RPAP1: variants seen among roughly 807,000 people sequenced by gnomAD.
The protein encoded by RPAP1 is RNA polymerase II-associated protein 1.
Under a neutral mutation model 142.4 loss-of-function variants are expected in RPAP1, and 109 were observed. That is an observed-to-expected ratio of 0.77 (90% CI 0.66 to 0.90). The LOEUF is 0.90. RPAP1 is among the 40% of genes least tolerant of loss of function. RPAP1 has a pLI of 0.00. For missense variants in RPAP1, 1,546 were observed against 1,751.7 expected (o/e 0.88, Z 2.10); for synonymous variants, 704 against 738.9 (o/e 0.95, Z 0.77).
chr15:41,521,961 A>G, intron 20 of RPAP1, 81 bp from the exon 21 acceptor site: 1 of 1,571,230 alleles, frequency 6.4e-7, no homozygotes, highest in South Asian at 1.2e-5. Flanking sequence ...GATAAAAGTG[A>G]GGCTGAAGGG....
intron 14 of RPAP1, among the ~76,000 whole-genome samples, chr15:41,525,812 G>A (rs1251568286): frequency 1.3e-5 from 2 of 151,060 alleles, no homozygotes; most frequent in East Asian, 3.9e-4. Flanking sequence ...ATGCCACCAC[G>A]CCTGGCTAAT....
intron 1 of RPAP1, 108 bp downstream of exon 1, chr15:41,544,111 T>A (rs1052107182): frequency 6.6e-6 from 1 of 152,312 alleles, no homozygotes; most frequent in African/African-American, 2.4e-5. Context: ...AGTTGCTCCC[T>A]TACAGACCAA....
intron 14 of RPAP1, among the ~76,000 whole-genome samples, chr15:41,525,686 G>A (rs1300067864): frequency 1.3e-5 from 2 of 151,334 alleles, no homozygotes; most frequent in Non-Finnish European, 2.9e-5. Flanking sequence ...ATGGAGTCTC[G>A]CTCTGTCGCC....
At chr15:41,525,693 C>T (rs755851990) in intron 14 of RPAP1, among the ~76,000 whole-genome samples, 7 of 148,130 alleles carry the variant, frequency 4.7e-5, no homozygotes, top group East Asian at 2.0e-4. Context: ...CTCGCTCTGT[C>T]GCCCAGGCTG....
chr15:41,532,697 G>C (rs1447938088), intron 6 of RPAP1, among the ~76,000 whole-genome samples: 1 of 152,030 alleles, frequency 6.6e-6, no homozygotes, highest in Non-Finnish European at 1.5e-5. Flanking sequence ...GCCTCGGCTG[G>C]GCACGGTGAC....
At chr15:41,538,112 G>A (rs1373065506) in intron 1 of RPAP1, among the ~76,000 whole-genome samples, 5 of 152,112 alleles carry the variant, frequency 3.3e-5, no homozygotes, top group African/African-American at 7.2e-5. Context: ...GCGTGGTGGC[G>A]GGCACCTGTA....
intron 14 of RPAP1, among the ~76,000 whole-genome samples, 166 bp downstream of exon 14, chr15:41,526,732 A>G (rs547889413): frequency 5.3e-5 from 8 of 152,344 alleles, no homozygotes; most frequent in African/African-American, 1.9e-4. Context: ...AACAGGCTCC[A>G]GTAAACAGGT....
Position 41,517,395 on chromosome 15 carries a change from T to C in RPAP1, c.*147A>G. 1.4e-6 allele frequency: 1 copy of C among 719,524 alleles called. No homozygotes were observed. Among genetic ancestry groups the C allele is most frequent in the East Asian group, 2.5e-5 (1 of 39,434 alleles). The allele number at this position is 719,524 out of a possible 1,614,324, so 44.6% of individuals were successfully genotyped here. On this transcript the variant is annotated 3_prime_UTR_variant, in exon 25 of 25. Coordinates refer to ENST00000304330, the MANE Select transcript of RPAP1 (RefSeq NM_015540.4). ...GTAGGGCTCACTGCTCTAAAACAGC[T>C]CAAACAACCTGCTCCCAGGAAGGCA...
At position 41,523,886 on chromosome 15, in the gene RPAP1, C is replaced by T; in HGVS notation, c.2321G>A (p.Cys774Tyr). The change falls in exon 17 of 25, where the codon TGT becomes TAT. Residue 774 changes from cysteine (C) to tyrosine (Y), a missense_variant. Transcript: ENST00000304330. ...VSGLQPLVEP[C>Y]LRQTLKLLSR... ...CAGCAACTTCAAGGTCTGCCTTAGACACGGCTCAACAAGAGGCTGGAGCCC... is the reference window on the plus strand; with the variant it reads ...CAGCAACTTCAAGGTCTGCCTTAGATACGGCTCAACAAGAGGCTGGAGCCC... 1.2e-6 allele frequency: 2 copies of T among 1,607,750 alleles called. No individual in the cohort carries two copies. Among genetic ancestry groups the T allele is most frequent in the Non-Finnish European group, 8.5e-7 (1 of 1,176,890 alleles).
Position 41,522,169 on chromosome 15 carries a change from G to A in RPAP1, c.2824C>T (p.Pro942Ser), listed in dbSNP as rs2051732364. 2 of 1,614,064 alleles carry A rather than the reference G, an allele frequency of 1.2e-6. No homozygotes were observed. Among genetic ancestry groups the A allele is most frequent in the South Asian group, 1.1e-5 (1 of 91,070 alleles). ...VAPGAAPHLT[P>S]FSAWALRHEY... Reference sequence around the variant, plus strand: ...TGGCGCAGGGCCCATGCAGAGAAAGGTGTGAGGTGTGGGGCAGCCCCAGGA... The same window carrying A: ...TGGCGCAGGGCCCATGCAGAGAAAGATGTGAGGTGTGGGGCAGCCCCAGGA... Residue 942 changes from proline to serine, a missense_variant, in exon 20 of 25, where the codon CCT (proline) becomes TCT (serine). Physicochemically the swap from Pro to Ser is moderately conservative, Grantham distance 74. Around this residue, in one of 3 missense-constraint regions of RPAP1, gnomAD observed 1,333 missense variants for 1,486.6 expected, o/e 0.90. Coordinates refer to ENST00000304330, the MANE Select transcript of RPAP1 (RefSeq NM_015540.4).
At chr15:41,541,441 A>G (rs934983520) in intron 1 of RPAP1, among the ~76,000 whole-genome samples, 5 of 149,896 alleles carry the variant, frequency 3.3e-5, no homozygotes, top group African/African-American at 1.2e-4. Flanking sequence ...AAAAAAAAAA[A>G]GCAGGGAATA....
chr15:41,542,069 A>G (rs8030350), intron 1 of RPAP1, among the ~76,000 whole-genome samples: 2,586 of 152,230 alleles, frequency 0.017, 33 homozygotes, highest in South Asian at 0.051. Context: ...GCGGTGTACA[A>G]GGGGCTGTAA....
chr15:41,525,422 T>G (rs1474019706), intron 14 of RPAP1, among the ~76,000 whole-genome samples: 1 of 152,044 alleles, frequency 6.6e-6, no homozygotes, highest in Non-Finnish European at 1.5e-5. Flanking sequence ...CACCACAACT[T>G]CTGTCTCCCA....
At position 41,524,248 on chromosome 15, in the gene RPAP1, G is replaced by C; in HGVS notation, c.2082C>G (p.Leu694=). Residue 694 remains leucine, a synonymous_variant, in exon 16 of 25, where the codon CTC becomes CTG. Coordinates refer to ENST00000304330, the MANE Select transcript of RPAP1 (RefSeq NM_015540.4). ...YGQGGYLYRE[L]YPVLMRALQV... ...GCAAGGCCCGCATCAGCACTGGGTA[G>C]AGCTCCCTAGGGAAGAACAGGGACT... 1 of 1,525,678 alleles carries C rather than the reference G, an allele frequency of 6.6e-7. No homozygotes were observed. Among genetic ancestry groups the C allele is most frequent in the South Asian group, 1.3e-5 (1 of 77,332 alleles). The allele number at this position is 1,525,678 out of a possible 1,614,324, so 94.5% of individuals were successfully genotyped here.
intron 16 of RPAP1, 54 bp downstream of exon 16, chr15:41,524,042 C>T: frequency 1.2e-6 from 2 of 1,603,732 alleles, no homozygotes; most frequent in Non-Finnish European, 1.7e-6. Context: ...TCCAGCCACC[C>T]CAGCCCTGTG....
At chr15:41,523,184 C>T in intron 18 of RPAP1, 61 bp downstream of exon 18, 1 of 1,247,208 alleles carries the variant, frequency 8.0e-7, no homozygotes, top group African/African-American at 1.5e-5. Flanking sequence ...ACCCAGGAAT[C>T]CCACAAGGAA....
intron 14 of RPAP1, among the ~76,000 whole-genome samples, chr15:41,525,558 C>T (rs982832752): frequency 2.0e-5 from 3 of 152,010 alleles, no homozygotes; most frequent in Admixed American, 2.0e-4. Flanking sequence ...AGGCTGGTGT[C>T]GAACTGCTGA....
chr15:41,524,878 A>T, intron 15 of RPAP1, 113 bp downstream of exon 15: 1 of 1,135,978 alleles, frequency 8.8e-7, no homozygotes, highest in Non-Finnish European at 1.2e-6. Flanking sequence ...CCTCCCACTC[A>T]TTCTTATCCT....
At position 41,536,203 on chromosome 15, in the gene RPAP1, A is replaced by C; in HGVS notation, c.346T>G (p.Ser116Ala). 6.2e-7 allele frequency: 1 copy of C among 1,614,068 alleles called. No individual in the cohort carries two copies. The highest frequency in any genetic ancestry group is 8.5e-7 in the Non-Finnish European group (1 of 1,180,002). The change falls in exon 4 of 25, where the codon TCA (serine) becomes GCA (alanine). Residue 116 changes from serine to alanine, a missense_variant. This residue lies in a region of RPAP1 where 1,333 missense variants were observed against 1,486.6 expected (regional missense o/e 0.90). Transcript: ENST00000304330. ...GGCACAGGCAGATTCACGGCCACTG[A>C]ACTTGTATCTCGTTCCTGTAGCAAC... The part of the protein sequence containing the change: ...LTKIIERDTS[S>A]VAVNLPVPSG...
Sources: allele counts gnomAD v4.1 joint callset (sites outside exome capture counted in the v4.1 genomes callset), GRCh38; gene constraint gnomAD v4.1.1; regional missense constraint gnomAD v4.1.1; transcripts MANE v1.5; gene names NCBI Gene and HGNC (gene_info 2026-07-23, HGNC 2026-07-21).